Variants in PLD1 observed in about 807,000 individuals in gnomAD.
The protein encoded by PLD1 is choline phosphatase 1.
In PLD1, 112 loss-of-function variants were observed where a neutral mutation model predicts 137.1. That is an observed-to-expected ratio of 0.82 (90% CI 0.70 to 0.96). The LOEUF (loss-of-function observed/expected upper bound fraction) is 0.96. Among genes scored for constraint, PLD1 ranks in the 40% least tolerant of loss-of-function variants. The pLI is 0.00. For missense variants in PLD1, 1,321 were observed against 1,342.0 expected, an observed-to-expected ratio of 0.98 and a Z score of 0.24; for synonymous variants, 431 against 454.7, an observed-to-expected ratio of 0.95 and a Z score of 0.66.
At chr3:171,658,219 G>C (rs1737374833) in intron 21 of PLD1, among the ~76,000 whole-genome samples, 1 of 152,110 alleles carries the variant, frequency 6.6e-6, no homozygotes, top group African/African-American at 2.4e-5. Context: ...TATACTATGG[G>C]AATATAAAAT....
At chr3:171,707,666 A>C (rs1716796107) in intron 11 of PLD1, among the ~76,000 whole-genome samples, 1 of 152,076 alleles carries the variant, frequency 6.6e-6, no homozygotes. Context: ...TCCTCTCCCA[A>C]CCCCAACCAG....
At chr3:171,808,947 C>T (rs997880994) in intron 1 of PLD1, among the ~76,000 whole-genome samples, 3 of 151,596 alleles carry the variant, frequency 2.0e-5, no homozygotes, top group Non-Finnish European at 4.4e-5. Context: ...GCCTCAGCCT[C>T]CCGAGTGGCT....
intron 1 of PLD1, among the ~76,000 whole-genome samples, chr3:171,755,287 C>T (rs1304430528): frequency 6.6e-6 from 1 of 152,094 alleles, no homozygotes; most frequent in Non-Finnish European, 1.5e-5. Context: ...CCTTCTTTAA[C>T]TTGCTGCCAC....
At chr3:171,729,822 A>G (rs1195742982) in intron 6 of PLD1, among the ~76,000 whole-genome samples, 1 of 152,200 alleles carries the variant, frequency 6.6e-6, no homozygotes, top group Non-Finnish European at 1.5e-5. Flanking sequence ...TTTATTCTTT[A>G]CCTACTCTTC....
intron 3 of PLD1, among the ~76,000 whole-genome samples, chr3:171,736,795 G>A (rs1418566929): frequency 6.6e-6 from 1 of 152,160 alleles, no homozygotes; most frequent in Admixed American, 6.5e-5. Flanking sequence ...AGGGACAAAG[G>A]TCACCACCCT....
intron 6 of PLD1, among the ~76,000 whole-genome samples, chr3:171,732,516 T>G (rs1719023182): frequency 6.6e-6 from 1 of 152,238 alleles, no homozygotes. Flanking sequence ...AGGCAGCTCC[T>G]GTCATGAGAA....
intron 1 of PLD1, chr3:171,788,632 A>G (rs2108348675): frequency 6.6e-6 from 1 of 152,306 alleles, no homozygotes; most frequent in South Asian, 2.1e-4. Context: ...AAAACTTTTC[A>G]TGTTTCCTGA....
chr3:171,663,518 T>C (rs1431112978), intron 19 of PLD1, among the ~76,000 whole-genome samples: 2 of 152,186 alleles, frequency 1.3e-5, no homozygotes, highest in African/African-American at 4.8e-5. Flanking sequence ...TGGTTATAAG[T>C]GTTATATTAA....
intron 1 of PLD1, among the ~76,000 whole-genome samples, chr3:171,739,692 C>G (rs540891848): frequency 6.6e-6 from 1 of 152,262 alleles, no homozygotes; most frequent in East Asian, 1.9e-4. Flanking sequence ...TTGAGCATGA[C>G]AGGAGTTTGC....
chr3:171,626,711 G>C (rs1358302342), intron 23 of PLD1, among the ~76,000 whole-genome samples: 1 of 151,638 alleles, frequency 6.6e-6, no homozygotes, highest in African/African-American at 2.4e-5. Context: ...CATTCTTAAA[G>C]AAAAGAATTT....
intron 1 of PLD1, chr3:171,771,329 A>G (rs1304051028): frequency 6.6e-6 from 1 of 152,374 alleles, no homozygotes; most frequent in Non-Finnish European, 1.5e-5. Context: ...AAACGGGCAA[A>G]GCCTTCCTGT....
At chr3:171,694,558 A>C (rs992102571) in intron 12 of PLD1, among the ~76,000 whole-genome samples, 6 of 86,412 alleles carry the variant, frequency 6.9e-5, no homozygotes, top group Admixed American at 4.8e-4. Context: ...TAATGGTTAC[A>C]AAAAAAAAAA....
chr3:171,660,855 G>T (rs889329503), intron 20 of PLD1, among the ~76,000 whole-genome samples: 2 of 151,932 alleles, frequency 1.3e-5, no homozygotes, highest in East Asian at 3.9e-4. Context: ...TGATCCACCC[G>T]CCTTGGCCCC....
At chr3:171,710,235 G>T (rs893511145) in intron 9 of PLD1, among the ~76,000 whole-genome samples, 1 of 152,134 alleles carries the variant, frequency 6.6e-6, no homozygotes, top group South Asian at 2.1e-4. Context: ...TAATTTTTTT[G>T]TATTTTTAGT....
chr3:171,759,700 A>G (rs939736793), intron 1 of PLD1, among the ~76,000 whole-genome samples: 10 of 152,380 alleles, frequency 6.6e-5, no homozygotes, highest in Non-Finnish European at 1.3e-4. Flanking sequence ...GTTTATACAC[A>G]TACCGTTTTG....
chr3:171,622,652 A>G (rs887250147), intron 23 of PLD1, among the ~76,000 whole-genome samples: 7 of 150,796 alleles, frequency 4.6e-5, no homozygotes, highest in Admixed American at 4.6e-4. Flanking sequence ...TATATGTATT[A>G]TATATTTATA....
chr3:171,675,665 T>C (rs1412468429), intron 18 of PLD1, among the ~76,000 whole-genome samples: 1 of 152,226 alleles, frequency 6.6e-6, no homozygotes, highest in Non-Finnish European at 1.5e-5. Flanking sequence ...AAATTTTTGT[T>C]AAAAAATTTC....
chr3:171,606,968 A>T (rs964618693), intron 25 of PLD1, among the ~76,000 whole-genome samples: 1 of 152,208 alleles, frequency 6.6e-6, no homozygotes, highest in Non-Finnish European at 1.5e-5. Flanking sequence ...TTAAGCATGA[A>T]TATTTTCCCA....
intron 14 of PLD1, among the ~76,000 whole-genome samples, chr3:171,687,795 T>C (rs1046912776): frequency 6.6e-6 from 1 of 152,164 alleles, no homozygotes; most frequent in African/African-American, 2.4e-5. Context: ...TCTGCTATGG[T>C]CTTTTTTCAG....
Sources: allele counts gnomAD v4.1 joint callset (sites outside exome capture counted in the v4.1 genomes callset), GRCh38; gene constraint gnomAD v4.1.1; transcripts MANE v1.5; gene names NCBI Gene and HGNC (gene_info 2026-07-23, HGNC 2026-07-21).